Variants in IL1RAPL1 observed in about 807,000 individuals in gnomAD.
IL1RAPL1 encodes the protein interleukin 1 receptor accessory protein like 1.
IL1RAPL1 carries 3 observed loss-of-function variants against 48.4 expected under a neutral mutation model. The ratio of observed to expected loss-of-function variants is 0.06; its 90% CI spans 0.03 to 0.16. The LOEUF is 0.16. IL1RAPL1 is among the 10% of genes least tolerant of loss of function. The pLI, the probability that IL1RAPL1 is intolerant of heterozygous loss-of-function variation, is 1.00. For missense variants in IL1RAPL1, 349 were observed against 530.6 expected, an observed-to-expected ratio of 0.66 and a Z score of 3.36; for synonymous variants, 185 against 187.7, an observed-to-expected ratio of 0.99 and a Z score of 0.12.
intron 5 of IL1RAPL1, among the ~76,000 whole-genome samples, chrX:29,443,254 C>CTCTCTG (rs1402461771): frequency 9.1e-6 from 1 of 109,402 alleles, no homozygotes; most frequent in African/African-American, 3.4e-5. Context: ...CTCTCTCTCT[C>CTCTCTG]TCTCTGTCTC....
At chrX:28,866,864 C>G (rs1922089434) in intron 2 of IL1RAPL1, among the ~76,000 whole-genome samples, 1 of 111,300 alleles carries the variant, frequency 9.0e-6, no homozygotes, top group African/African-American at 3.3e-5. Context: ...GGAAAAAAGG[C>G]AGACTACACA....
At chrX:29,725,675 C>T (rs1411572559) in intron 6 of IL1RAPL1, among the ~76,000 whole-genome samples, 3 of 111,980 alleles carry the variant, frequency 2.7e-5, no homozygotes, top group Non-Finnish European at 3.8e-5. Context: ...AACCCCTTAG[C>T]AGTATCTAGC....
chrX:29,089,281 G>C (rs1928026642), intron 2 of IL1RAPL1, among the ~76,000 whole-genome samples: 1 of 111,017 alleles, frequency 9.0e-6, no homozygotes, highest in Non-Finnish European at 1.9e-5. Context: ...TACATTTATG[G>C]TGCACTACAT....
intron 1 of IL1RAPL1, among the ~76,000 whole-genome samples, chrX:28,655,815 T>C (rs983266253): frequency 3.6e-5 from 4 of 111,628 alleles, no homozygotes; most frequent in African/African-American, 1.3e-4. Flanking sequence ...AAAAAGGTAA[T>C]GAAAGAAAAG....
At chrX:29,260,855 T>C (rs1416509431) in intron 2 of IL1RAPL1, among the ~76,000 whole-genome samples, 2 of 108,884 alleles carry the variant, frequency 1.8e-5, no homozygotes, top group Admixed American at 1.0e-4. Flanking sequence ...ATCCCACTTA[T>C]ATAGTTAATT....
intron 5 of IL1RAPL1, among the ~76,000 whole-genome samples, chrX:29,630,238 T>A (rs1924729798): frequency 9.0e-6 from 1 of 111,341 alleles, no homozygotes; most frequent in Non-Finnish European, 1.9e-5. Flanking sequence ...ACTTCATCCC[T>A]ATGACCTAAC....
At chrX:29,477,521 T>C (rs1189173266) in intron 5 of IL1RAPL1, among the ~76,000 whole-genome samples, 1 of 112,283 alleles carries the variant, frequency 8.9e-6, no homozygotes, top group Non-Finnish European at 1.9e-5. Context: ...TTTAATGGTA[T>C]GTGTAGACCC....
chrX:28,927,610 C>T (rs1281722289), intron 2 of IL1RAPL1, among the ~76,000 whole-genome samples: 2 of 109,477 alleles, frequency 1.8e-5, no homozygotes, highest in Non-Finnish European at 3.8e-5. Flanking sequence ...TCCTCCTTTC[C>T]TTCCTTTTTT....
At chrX:29,354,117 T>G (rs1933271288) in intron 3 of IL1RAPL1, among the ~76,000 whole-genome samples, 1 of 111,217 alleles carries the variant, frequency 9.0e-6, no homozygotes, top group African/African-American at 3.3e-5. Context: ...TGTCAGATAC[T>G]GTTATTATTT....
Position 29,772,546 on chromosome X carries a change from C to T in IL1RAPL1, c.778+104042C>T, listed in dbSNP as rs758489441. On this transcript the variant is annotated intron_variant, in intron 6 of 10. Transcript: ENST00000378993. ...TTTTATTTGAACTTCTGAGGGTCTG[C>T]GGTGAAAGGCAATAAAAGCCCTTAA... Among the ~76,000 whole-genome samples the T allele has an allele frequency of 1.2e-4, 13 of 111,517 alleles. No individual in the cohort carries two copies. In the South Asian group the frequency reaches 1.5e-3, roughly 13 times the overall value.
At chrX:29,671,226 C>T (rs1926130662) in intron 6 of IL1RAPL1, among the ~76,000 whole-genome samples, 1 of 111,877 alleles carries the variant, frequency 8.9e-6, no homozygotes, top group African/African-American at 3.2e-5. Context: ...TTCATTTTCT[C>T]TGCCATTTGC....
At chrX:28,704,352 G>A (rs906178786) in intron 1 of IL1RAPL1, among the ~76,000 whole-genome samples, 4 of 103,572 alleles carry the variant, frequency 3.9e-5, no homozygotes, top group Non-Finnish European at 7.8e-5. Flanking sequence ...ATTTCATCAC[G>A]TTCCCTCAGA....
chrX:29,569,044 C>T (rs1922504122), intron 5 of IL1RAPL1, among the ~76,000 whole-genome samples: 1 of 110,900 alleles, frequency 9.0e-6, no homozygotes, highest in African/African-American at 3.3e-5. Flanking sequence ...CAATTTATGC[C>T]CTCCCTTCTT....
intron 3 of IL1RAPL1, among the ~76,000 whole-genome samples, chrX:29,386,381 A>G (rs1164086522): frequency 1.8e-5 from 2 of 110,681 alleles, no homozygotes; most frequent in Non-Finnish European, 3.8e-5. Context: ...TGGTATTGAA[A>G]GGTAAAGCTT....
At chrX:28,936,173 T>C (rs180719195) in intron 2 of IL1RAPL1, among the ~76,000 whole-genome samples, 7 of 111,240 alleles carry the variant, frequency 6.3e-5, no homozygotes, top group Admixed American at 4.8e-4. Context: ...CTATGACTTG[T>C]CTAAGATTGT....
At chrX:28,909,801 T>C (rs1270510260) in intron 2 of IL1RAPL1, among the ~76,000 whole-genome samples, 2 of 111,676 alleles carry the variant, frequency 1.8e-5, no homozygotes. Context: ...ACTGGTTTAT[T>C]CCCCTTCGCA....
intron 1 of IL1RAPL1, among the ~76,000 whole-genome samples, chrX:28,717,364 G>A (rs1935516883): frequency 9.0e-6 from 1 of 111,618 alleles, no homozygotes. Flanking sequence ...GGATGGAACT[G>A]GAGGCCATTA....
intron 9 of IL1RAPL1, among the ~76,000 whole-genome samples, chrX:29,952,655 T>C (rs1228873888): frequency 9.2e-6 from 1 of 108,318 alleles, no homozygotes; most frequent in East Asian, 2.8e-4. Context: ...TACTGGCCTA[T>C]GGGCATATAG....
intron 1 of IL1RAPL1, among the ~76,000 whole-genome samples, chrX:28,667,475 C>G (rs748587914): frequency 8.9e-6 from 1 of 111,994 alleles, no homozygotes; most frequent in South Asian, 3.7e-4. Flanking sequence ...GATCTTGTGC[C>G]CTAATCCTAG....
Sources: gnomAD v4.1 joint callset for allele counts (sites outside exome capture counted in the v4.1 genomes callset) on GRCh38, gnomAD v4.1.1 for gene constraint, MANE v1.5 for transcripts, NCBI Gene and HGNC (gene_info 2026-07-23, HGNC 2026-07-21) for gene names.